Variants in BCAS3 observed in about 807,000 individuals in gnomAD.
The protein encoded by BCAS3 is BCAS4/BCAS3 fusion.
A neutral mutation model predicts 116.1 loss-of-function variants in BCAS3; 53 were observed. That is an observed-to-expected ratio of 0.46 (90% CI 0.37 to 0.57). The LOEUF (loss-of-function observed/expected upper bound fraction) is 0.57. Among genes scored for constraint, BCAS3 ranks in the 20% least tolerant of loss-of-function variants. The pLI is 0.00. For synonymous variants in BCAS3, 391 were observed against 408.2 expected, an observed-to-expected ratio of 0.96 and a Z score of 0.51; for missense variants, 917 against 1,165.4, an observed-to-expected ratio of 0.79 and a Z score of 3.10.
chr17:61,298,675 C>A (rs763546026), intron 22 of BCAS3, among the ~76,000 whole-genome samples: 3 of 152,156 alleles, frequency 2.0e-5, no homozygotes, highest in Non-Finnish European at 4.4e-5. Context: ...CCAAAGGGGA[C>A]GTCCCACACC....
intron 14 of BCAS3, among the ~76,000 whole-genome samples, chr17:60,978,889 T>C (rs2062603038): frequency 1.4e-5 from 2 of 142,708 alleles, no homozygotes; most frequent in African/African-American, 2.7e-5. Flanking sequence ...AGTACCATGC[T>C]GTTTTGGTTA....
At chr17:60,951,132 C>G (rs901541815) in intron 14 of BCAS3, among the ~76,000 whole-genome samples, 2 of 152,094 alleles carry the variant, frequency 1.3e-5, no homozygotes, top group African/African-American at 4.8e-5. Flanking sequence ...TTGTGTATGC[C>G]TGCTTTGCTA....
chr17:60,766,810 C>G (rs1384303986), intron 6 of BCAS3, among the ~76,000 whole-genome samples: 1 of 152,230 alleles, frequency 6.6e-6, no homozygotes, highest in Non-Finnish European at 1.5e-5. Flanking sequence ...CAGGTGGAGT[C>G]TACAGAGGCA....
intron 5 of BCAS3, among the ~76,000 whole-genome samples, chr17:60,724,884 C>G (rs1212940989): frequency 6.6e-6 from 1 of 151,700 alleles, no homozygotes; most frequent in Non-Finnish European, 1.5e-5. Context: ...CAGAGTCTCA[C>G]TCTGTTGCCC....
chr17:61,334,076 C>T (rs1490281698), intron 22 of BCAS3, among the ~76,000 whole-genome samples: 1 of 152,192 alleles, frequency 6.6e-6, no homozygotes, highest in Non-Finnish European at 1.5e-5. Context: ...CAGACACAAT[C>T]TCAGCCCTGC....
intron 22 of BCAS3, among the ~76,000 whole-genome samples, chr17:61,152,412 C>T (rs1167010836): frequency 3.3e-5 from 5 of 152,020 alleles, no homozygotes; most frequent in Admixed American, 6.6e-5. Context: ...AGCTACAGAG[C>T]GCTGATTGGT....
rs963480774 is a variant in BCAS3 at position 61,028,790 on chromosome 17, T to C, written c.1638-5876T>C. ...ATTGCCTGTCTTTTAGAAGACTGCTTTGTGGTTTGTTTGATGCCATCGTTA... is the reference window on the plus strand; with the variant it reads ...ATTGCCTGTCTTTTAGAAGACTGCTCTGTGGTTTGTTTGATGCCATCGTTA... On this transcript the variant is annotated intron_variant, in intron 16 of 23. Coordinates refer to ENST00000407086, the MANE Select transcript of BCAS3 (RefSeq NM_017679.5). This position sits in a 1 kb window ranked among gnomAD's most constrained non-coding sequence, Gnocchi z 4.3. 1.3e-5 allele frequency among the ~76,000 whole-genome samples: 2 copies of C among 151,944 alleles called. No individual in the cohort carries two copies. The highest frequency in any genetic ancestry group is 6.6e-5 in the Admixed American group (1 of 15,244).
chr17:60,839,217 G>A (rs7210906), intron 7 of BCAS3, among the ~76,000 whole-genome samples: 33,270 of 152,044 alleles, frequency 0.22, 4,703 homozygotes, highest in African/African-American at 0.41. Flanking sequence ...TTAATTTCCA[G>A]TCCTTAAAAG....
Position 60,924,510 on chromosome 17 carries a change from CT to C in BCAS3, c.1087+11del. The C allele has an allele frequency of 6.5e-7, 1 of 1,547,186 alleles. No homozygotes were observed. Among genetic ancestry groups the C allele is most frequent in the Non-Finnish European group, 8.8e-7 (1 of 1,140,406 alleles). ...GCTTTTAATACAAGTGGTAAGTTCG[CT>C]CTCTGTCTTTTTTTTTTTTTTTTTT... On this transcript the variant is annotated intron_variant, in intron 13 of 23. Coordinates refer to ENST00000407086, the MANE Select transcript of BCAS3 (RefSeq NM_017679.5).
At position 61,203,112 on chromosome 17, in the gene BCAS3, A is replaced by G. The variant is rs941315692; in HGVS notation, c.2425+118548A>G. ...TTATTTATTTATGTGTAGCTCCTAG[A>G]TCTAAAAGGGAATAGTTTTTTCCCC... On this transcript the variant is annotated intron_variant, in intron 22 of 23. Coordinates refer to ENST00000407086, the MANE Select transcript of BCAS3 (RefSeq NM_017679.5). The surrounding 1 kb of genome is among the most constrained non-coding windows in gnomAD (Gnocchi z 5.7). 6.6e-6 allele frequency among the ~76,000 whole-genome samples: 1 copy of G among 152,106 alleles called. No homozygotes were observed. The highest frequency in any genetic ancestry group is 1.9e-4 in the East Asian group (1 of 5,202).
chr17:60,727,348 A>T, intron 5 of BCAS3: 1 of 1,477,454 alleles, frequency 6.8e-7, no homozygotes, highest in Non-Finnish European at 9.5e-7. Context: ...CACCATAGCC[A>T]CTCTGCTTCC....
chr17:61,173,791 G>T (rs2078989932), intron 22 of BCAS3, among the ~76,000 whole-genome samples: 1 of 152,086 alleles, frequency 6.6e-6, no homozygotes, highest in Non-Finnish European at 1.5e-5. Context: ...TTGAGATGGG[G>T]GATGACTTGA....
intron 4 of BCAS3, among the ~76,000 whole-genome samples, chr17:60,707,344 T>C (rs1468892532): frequency 6.6e-6 from 1 of 152,136 alleles, no homozygotes; most frequent in Non-Finnish European, 1.5e-5. Flanking sequence ...CCCAGGCTGG[T>C]CTCAGACTCC....
At chr17:61,253,553 T>C (rs2048532635) in intron 22 of BCAS3, among the ~76,000 whole-genome samples, 1 of 151,988 alleles carries the variant, frequency 6.6e-6, no homozygotes. Flanking sequence ...ACATCAGCAG[T>C]CCCAGGAACT....
chr17:60,865,808 A>G (rs759450172), intron 7 of BCAS3, among the ~76,000 whole-genome samples: 1 of 152,240 alleles, frequency 6.6e-6, no homozygotes, highest in Non-Finnish European at 1.5e-5. Context: ...AGTAGAAGTG[A>G]TAAAAGCAGA....
At position 61,311,612 on chromosome 17, in the gene BCAS3, A is replaced by G. The variant is rs2054311558; in HGVS notation, c.2426-56715A>G. Reference sequence around the variant, plus strand: ...TAAATCCCCTTAAAATATAGGGCAGAGGCCAGGCGCGGTGGCTCACGCCTG... The same window carrying G: ...TAAATCCCCTTAAAATATAGGGCAGGGGCCAGGCGCGGTGGCTCACGCCTG... On this transcript the variant is annotated intron_variant, in intron 22 of 23. Coordinates refer to ENST00000407086, the MANE Select transcript of BCAS3 (RefSeq NM_017679.5). 2.0e-5 allele frequency among the ~76,000 whole-genome samples: 3 copies of G among 152,146 alleles called. No individual in the cohort carries two copies. The South Asian group carries it at 6.2e-4, about 32-fold the overall frequency.
chr17:60,845,722 C>T (rs1222309825), intron 7 of BCAS3, among the ~76,000 whole-genome samples: 1 of 151,906 alleles, frequency 6.6e-6, no homozygotes, highest in Admixed American at 6.6e-5. Context: ...GAGGTTCCAC[C>T]CTGTGTTCTA....
rs1243027791 is a variant in BCAS3, at chr17:61,373,804, CTTTG to C, written c.2593+5314_2593+5317del. ...TTGCTGCTGTTAACTTCTTCTTCTTCTTTGTTTTTTTTTTTTTTTTTTTTGCTCT... is the reference window on the plus strand; with the variant it reads ...TTGCTGCTGTTAACTTCTTCTTCTTCTTTTTTTTTTTTTTTTTTTTGCTCT... On this transcript the variant is annotated intron_variant, in intron 23 of 23. Transcript: ENST00000407086. Among the ~76,000 whole-genome samples, 16 of 76,132 alleles carry C rather than the reference CTTTG, an allele frequency of 2.1e-4. 2 individuals are homozygous for C. The highest frequency in any genetic ancestry group is 3.3e-4 in the Admixed American group (2 of 6,070). The allele number at this position is 76,132 out of a possible 152,430, so 49.9% of individuals were successfully genotyped here. A position where few individuals can be genotyped will look rare whatever the true frequency, so the allele number is the denominator to read the frequency against.
At chr17:60,888,542 G>T (rs2056903540) in intron 9 of BCAS3, among the ~76,000 whole-genome samples, 1 of 151,948 alleles carries the variant, frequency 6.6e-6, no homozygotes, top group Non-Finnish European at 1.5e-5. Flanking sequence ...TCTATTCAAT[G>T]GTCTAATCTA....
Sources: allele counts gnomAD v4.1 joint callset (sites outside exome capture counted in the v4.1 genomes callset), GRCh38; gene constraint gnomAD v4.1.1; non-coding constraint Gnocchi (gnomAD v3.1); transcripts MANE v1.5; gene names NCBI Gene and HGNC (gene_info 2026-07-23, HGNC 2026-07-21).